Variants in NRXN3 observed in about 807,000 individuals in gnomAD.
The protein encoded by NRXN3 is neurexin 3.
NRXN3 carries 32 observed loss-of-function variants against 137.6 expected under a neutral mutation model. The ratio of observed to expected loss-of-function variants is 0.23; its 90% confidence interval spans 0.18 to 0.31. NRXN3 has a LOEUF of 0.31. NRXN3 is among the 10% of genes least tolerant of loss of function. NRXN3 has a pLI of 1.00. For synonymous variants in NRXN3, 798 were observed against 784.5 expected (o/e 1.02, Z -0.29); for missense variants, 1,574 against 2,062.5 (o/e 0.76, Z 4.59).
chr14:79,708,415 A>G (rs369143819), intron 19 of NRXN3, among the ~76,000 whole-genome samples: 4 of 152,124 alleles, frequency 2.6e-5, no homozygotes, highest in South Asian at 4.1e-4. Context: ...ATGCTGAGGA[A>G]TGACTGTACT....
At chr14:78,268,464 A>G (rs2072175077) in intron 2 of NRXN3, among the ~76,000 whole-genome samples, 1 of 152,180 alleles carries the variant, frequency 6.6e-6, no homozygotes, top group Non-Finnish European at 1.5e-5. Context: ...ACTCTAAAAT[A>G]CTTAATGACC....
At chr14:79,740,712 T>TATATATATA (rs1491227336) in intron 19 of NRXN3, among the ~76,000 whole-genome samples, 3 of 16,144 alleles carry the variant, frequency 1.9e-4, no homozygotes, top group Non-Finnish European at 3.1e-4. Flanking sequence ...ATTTAGTTTT[T>TATATATATA]TATATATATA....
At chr14:78,314,395 G>A (rs1001196833) in intron 4 of NRXN3, among the ~76,000 whole-genome samples, 11 of 152,178 alleles carry the variant, frequency 7.2e-5, no homozygotes, top group Non-Finnish European at 2.9e-5. Context: ...AGATTGGTGG[G>A]TGGTGAAGTG....
intron 15 of NRXN3, among the ~76,000 whole-genome samples, chr14:79,219,654 C>T (rs990650490): frequency 3.9e-5 from 6 of 152,114 alleles, no homozygotes; most frequent in South Asian, 2.1e-4. Context: ...TTCCACATAC[C>T]GGTTTGGGAC....
chr14:78,454,446 C>T (rs562131189), intron 4 of NRXN3, among the ~76,000 whole-genome samples: 1 of 152,268 alleles, frequency 6.6e-6, no homozygotes, highest in East Asian at 1.9e-4. Flanking sequence ...TCAAATATAC[C>T]CATCATCAGG....
chr14:78,559,961 A>T (rs1294426036), intron 4 of NRXN3, among the ~76,000 whole-genome samples: 1 of 152,234 alleles, frequency 6.6e-6, no homozygotes, highest in Non-Finnish European at 1.5e-5. Flanking sequence ...TGTAAATTGC[A>T]TCTTTCTTCC....
intron 15 of NRXN3, among the ~76,000 whole-genome samples, chr14:79,213,090 T>C (rs938109360): frequency 1.3e-5 from 2 of 152,198 alleles, no homozygotes; most frequent in African/African-American, 4.8e-5. Flanking sequence ...AAAGATACTA[T>C]AAGAACATTA....
chr14:78,298,287 C>G (rs1050233164), intron 4 of NRXN3, among the ~76,000 whole-genome samples: 1 of 152,246 alleles, frequency 6.6e-6, no homozygotes, highest in African/African-American at 2.4e-5. Flanking sequence ...CTGAATTTCC[C>G]TCTGCTTTTT....
In NRXN3 at chr14:79,553,210, T is replaced by C. The variant is rs2097393493; in HGVS notation, c.3444+85808T>C. On this transcript the variant is annotated intron_variant, in intron 16 of 20. Coordinates refer to ENST00000335750, the MANE Select transcript of NRXN3 (RefSeq NM_001330195.2). ...CAATTGTCATGAAGATTGAGTATGA[T>C]TGTAATATAAAGGGCTAACATTTTT... is the stretch of plus-strand genomic sequence containing the variant. 2.0e-5 allele frequency among the ~76,000 whole-genome samples: 3 copies of C among 151,972 alleles called. No homozygotes were observed. The South Asian group carries it at 6.2e-4, about 32-fold the overall frequency.
At chr14:79,305,476 C>A (rs1383964956) in intron 15 of NRXN3, among the ~76,000 whole-genome samples, 1 of 151,990 alleles carries the variant, frequency 6.6e-6, no homozygotes, top group South Asian at 2.1e-4. Context: ...AGCATTTGTA[C>A]CCTGACATTT....
chr14:79,849,177 G>A (rs944497700), intron 20 of NRXN3, among the ~76,000 whole-genome samples: 2 of 152,078 alleles, frequency 1.3e-5, no homozygotes, highest in Non-Finnish European at 1.5e-5. Context: ...TTCTGCAACG[G>A]CTTCCCAATT....
At chr14:79,272,384 G>A (rs564784442) in intron 15 of NRXN3, among the ~76,000 whole-genome samples, 8 of 152,008 alleles carry the variant, frequency 5.3e-5, no homozygotes, top group East Asian at 3.9e-4. Context: ...CAGGGGCTGC[G>A]GTTTCTTTGT....
intron 6 of NRXN3, among the ~76,000 whole-genome samples, chr14:78,657,353 T>C (rs12881171): frequency 0.042 from 6,450 of 152,322 alleles, 182 homozygotes; most frequent in Non-Finnish European, 0.056. Context: ...TTGGACCTTC[T>C]GTGTAGTTTG....
chr14:78,785,951 A>T lies in NRXN3; in HGVS notation c.2045-17669A>T, dbSNP rs186740644. Among the ~76,000 whole-genome samples the T allele has an allele frequency of 1.5e-3, 230 of 152,314 alleles. 2 individuals carry two copies. The highest frequency in any genetic ancestry group is 5.1e-3 in the African/African-American group (211 of 41,574). ...ATTGTTAGAAGGCTTGAGTGGAAAA[A>T]TCTGAAATATGCTGTTTACAGTCAA... is the stretch of plus-strand genomic sequence containing the variant. On this transcript the variant is annotated intron_variant, in intron 8 of 20. Coordinates refer to ENST00000335750, the MANE Select transcript of NRXN3 (RefSeq NM_001330195.2).
At chr14:79,025,078 T>C (rs754810604) in intron 15 of NRXN3, among the ~76,000 whole-genome samples, 1 of 152,190 alleles carries the variant, frequency 6.6e-6, no homozygotes, top group Non-Finnish European at 1.5e-5. Context: ...TCAACCATTC[T>C]CTTCCCTTTG....
At chr14:78,520,540 T>G (rs1332851911) in intron 4 of NRXN3, among the ~76,000 whole-genome samples, 1 of 152,136 alleles carries the variant, frequency 6.6e-6, no homozygotes, top group Non-Finnish European at 1.5e-5. Context: ...CAGATAAAGT[T>G]GGTGGAATAG....
intron 10 of NRXN3, among the ~76,000 whole-genome samples, chr14:78,859,755 C>T (rs1206357541): frequency 3.3e-5 from 5 of 152,110 alleles, no homozygotes. Flanking sequence ...TGCCTGTTTA[C>T]TGTTGGACTT....
chr14:79,489,572 C>A (rs1452833048), intron 16 of NRXN3, among the ~76,000 whole-genome samples: 1 of 152,172 alleles, frequency 6.6e-6, no homozygotes, highest in Non-Finnish European at 1.5e-5. Flanking sequence ...GCATGAAGGA[C>A]CTCCTTTCAG....
intron 6 of NRXN3, among the ~76,000 whole-genome samples, chr14:78,667,293 T>C (rs746506603): frequency 1.3e-5 from 2 of 152,216 alleles, no homozygotes; most frequent in Non-Finnish European, 2.9e-5. Flanking sequence ...AACTGGTATC[T>C]TAATAGCACT....
Sources: allele counts gnomAD v4.1 joint callset (sites outside exome capture counted in the v4.1 genomes callset), GRCh38; gene constraint gnomAD v4.1.1; transcripts MANE v1.5; gene names NCBI Gene and HGNC (gene_info 2026-07-23, HGNC 2026-07-21).